The following B3GALT1 variants were observed in gnomAD, a reference collection of about 807,000 sequenced individuals.
B3GALT1 encodes the protein beta-1,3-galactosyltransferase 1.
In B3GALT1, 10 loss-of-function variants were observed where a neutral mutation model predicts 23.2. The observed-to-expected ratio is 0.43, with a 90% CI of 0.27 to 0.73. B3GALT1 has a LOEUF of 0.73. Among genes scored for constraint, B3GALT1 ranks in the 30% least tolerant of loss-of-function variants. B3GALT1 has a pLI of 0.21. For synonymous variants in B3GALT1, 156 were observed against 141.5 expected (o/e 1.10, Z -0.73); for missense variants, 299 against 405.4 (o/e 0.74, Z 2.25).
intron 2 of B3GALT1, among the ~76,000 whole-genome samples, chr2:167,495,034 AAGAT>A (rs1224642564): frequency 1.3e-5 from 2 of 152,170 alleles, no homozygotes; most frequent in East Asian, 3.9e-4. Context: ...CAAAAACAAA[AAGAT>A]AAGGTAAAAT....
chr2:167,352,627 A>AG (rs1242635263), intron 1 of B3GALT1, among the ~76,000 whole-genome samples: 1 of 151,616 alleles, frequency 6.6e-6, no homozygotes, highest in East Asian at 2.0e-4. Flanking sequence ...AGGCTGAGGC[A>AG]GGAGAATGGC....
At chr2:167,740,754 T>G (rs1215291358) in intron 3 of B3GALT1, among the ~76,000 whole-genome samples, 2 of 152,226 alleles carry the variant, frequency 1.3e-5, no homozygotes, top group African/African-American at 2.4e-5. Flanking sequence ...GAATAGTTCA[T>G]GTACATTGTG....
At chr2:167,736,196 A>T (rs1687489518) in intron 3 of B3GALT1, among the ~76,000 whole-genome samples, 1 of 152,192 alleles carries the variant, frequency 6.6e-6, no homozygotes, top group Non-Finnish European at 1.5e-5. Flanking sequence ...ATGTCTCTTG[A>T]GATATTCAAA....
At chr2:167,551,321 A>AGTTG (rs1683740486) in intron 2 of B3GALT1, among the ~76,000 whole-genome samples, 1 of 152,198 alleles carries the variant, frequency 6.6e-6, no homozygotes, top group Non-Finnish European at 1.5e-5. Flanking sequence ...TGTTTGATTG[A>AGTTG]GCTGGTGGAA....
At chr2:167,651,862 TATC>T (rs1268941854) in intron 3 of B3GALT1, among the ~76,000 whole-genome samples, 1 of 152,112 alleles carries the variant, frequency 6.6e-6, no homozygotes. Flanking sequence ...ACCCAGGAAG[TATC>T]ATGACACCTT....
intron 3 of B3GALT1, among the ~76,000 whole-genome samples, chr2:167,709,640 A>G (rs6742373): frequency 0.32 from 48,759 of 152,118 alleles, 8,754 homozygotes; most frequent in Non-Finnish European, 0.42. Context: ...ATAGTTGTAC[A>G]TCAGAATGCT....
intron 1 of B3GALT1, among the ~76,000 whole-genome samples, chr2:167,334,730 G>C (rs1697032231): frequency 6.6e-6 from 1 of 152,138 alleles, no homozygotes; most frequent in Non-Finnish European, 1.5e-5. Flanking sequence ...GGCAAGATAT[G>C]GTGAATAAGG....
chr2:167,639,959 C>G (rs1685622980), intron 2 of B3GALT1, among the ~76,000 whole-genome samples: 2 of 152,004 alleles, frequency 1.3e-5, no homozygotes, highest in African/African-American at 4.8e-5. Context: ...TTGAGGTTAT[C>G]TGGGACACAT....
intron 1 of B3GALT1, among the ~76,000 whole-genome samples, chr2:167,425,150 A>T (rs542256725): frequency 6.6e-6 from 1 of 152,354 alleles, no homozygotes; most frequent in African/African-American, 2.4e-5. Context: ...GATGATGGGC[A>T]CTTGACAGAG....
Position 167,702,471 on chromosome 2 carries a change from T to C in B3GALT1, c.-352+55505T>C, listed in dbSNP as rs1427053537. 2.6e-5 allele frequency among the ~76,000 whole-genome samples: 4 copies of C among 152,180 alleles called. No individual in the cohort carries two copies. The East Asian group carries it at 7.7e-4, about 29-fold the overall frequency. ...TTGCACAATATAGATGAAATAGTCA[T>C]TGGTTTGTTTTACATTCTATGCATT... On this transcript the variant is annotated intron_variant, in intron 3 of 4. Transcript: ENST00000392690.
At chr2:167,585,161 T>C (rs1418036565) in intron 2 of B3GALT1, among the ~76,000 whole-genome samples, 1 of 152,164 alleles carries the variant, frequency 6.6e-6, no homozygotes, top group Non-Finnish European at 1.5e-5. Context: ...TTAGGAACTG[T>C]ATGCCAGGAA....
chr2:167,399,110 G>A (rs759780285), intron 1 of B3GALT1, among the ~76,000 whole-genome samples: 3 of 152,166 alleles, frequency 2.0e-5, no homozygotes, highest in Non-Finnish European at 2.9e-5. Flanking sequence ...TAATTGAGAT[G>A]CCTTGGATAG....
intron 3 of B3GALT1, among the ~76,000 whole-genome samples, chr2:167,693,323 A>G (rs1325125101): frequency 1.3e-5 from 2 of 152,148 alleles, no homozygotes; most frequent in Non-Finnish European, 2.9e-5. Flanking sequence ...TGAGTGTGGC[A>G]GTCTCTCAAA....
chr2:167,676,702 C>T (rs1158722923), intron 3 of B3GALT1, among the ~76,000 whole-genome samples: 1 of 152,076 alleles, frequency 6.6e-6, no homozygotes, highest in Non-Finnish European at 1.5e-5. Flanking sequence ...GCAAGGATTA[C>T]AGGCGCCCAC....
intron 1 of B3GALT1, among the ~76,000 whole-genome samples, chr2:167,444,376 C>A (rs1467770478): frequency 6.6e-6 from 1 of 152,144 alleles, no homozygotes; most frequent in Non-Finnish European, 1.5e-5. Flanking sequence ...ATGATCCTGG[C>A]CTCATACAAT....
chr2:167,340,413 A>G (rs1261173210), intron 1 of B3GALT1, among the ~76,000 whole-genome samples: 1 of 152,034 alleles, frequency 6.6e-6, no homozygotes, highest in Non-Finnish European at 1.5e-5. Flanking sequence ...CATGCAGTCT[A>G]CCCCTGAAGA....
At chr2:167,539,836 T>C (rs1472860582) in intron 2 of B3GALT1, among the ~76,000 whole-genome samples, 1 of 152,158 alleles carries the variant, frequency 6.6e-6, no homozygotes, top group Non-Finnish European at 1.5e-5. Context: ...TAATTTTTAA[T>C]TTAATTTAAA....
intron 3 of B3GALT1, among the ~76,000 whole-genome samples, chr2:167,804,842 A>C (rs567755499): frequency 6.6e-6 from 1 of 152,212 alleles, no homozygotes; most frequent in African/African-American, 2.4e-5. Flanking sequence ...GTATATACCC[A>C]GTAATGGGAT....
chr2:167,664,571 A>ATT (rs199539310), intron 3 of B3GALT1, among the ~76,000 whole-genome samples: 15,951 of 152,052 alleles, frequency 0.1, 1,810 homozygotes, highest in African/African-American at 0.26. Context: ...CATTTTCACG[A>ATT]TATTGATTCT....
Sources: gnomAD v4.1 joint callset for allele counts (sites outside exome capture counted in the v4.1 genomes callset) on GRCh38, gnomAD v4.1.1 for gene constraint, MANE v1.5 for transcripts, NCBI Gene and HGNC (gene_info 2026-07-23, HGNC 2026-07-21) for gene names.